Variants in AKAP9 observed in about 807,000 individuals in gnomAD.
AKAP9 encodes the protein A-kinase anchoring protein 9.
A neutral mutation model predicts 488.5 loss-of-function variants in AKAP9; 311 were observed. That is an observed-to-expected ratio of 0.64 (90% CI 0.58 to 0.70). The LOEUF (loss-of-function observed/expected upper bound fraction) is 0.70, where lower values mean the gene tolerates loss of function less well. Ranked by LOEUF, AKAP9 falls within the 30% of genes least tolerant of loss-of-function variation. AKAP9 has a pLI of 0.00. For synonymous variants in AKAP9, 1,462 were observed against 1,483.5 expected (o/e 0.99, Z 0.33); for missense variants, 4,215 against 4,374.5 (o/e 0.96, Z 1.03).
Position 92,002,119 on chromosome 7 carries a change from A to G in AKAP9, c.2202A>G (p.Glu734=), listed in dbSNP as rs1799248537. Residue 734 remains glutamate (E), a synonymous_variant, in exon 8 of 50, where the codon GAA becomes GAG. Coordinates refer to ENST00000356239, the MANE Select transcript of AKAP9 (RefSeq NM_005751.5). ...LQKEIEILRQ[E]EKEKGTLEQE... is the part of the protein sequence containing the mutation. ...AAGAAATTGAAATACTCAGACAAGA[A>G]GAAAAAGAAAAGGGTACACTTGAAC... The G allele has an allele frequency of 6.3e-7, 1 of 1,593,136 alleles. No individual in the cohort carries two copies. The highest frequency in any genetic ancestry group is 8.5e-7 in the Non-Finnish European group (1 of 1,174,420).
intron 4 of AKAP9, among the ~76,000 whole-genome samples, chr7:91,992,569 C>A (rs1187939639): frequency 3.6e-5 from 5 of 140,530 alleles, no homozygotes; most frequent in African/African-American, 5.3e-5. Context: ...GAGGCTGAGA[C>A]AAGAGAATTG....
intron 46 of AKAP9, among the ~76,000 whole-genome samples, chr7:92,105,097 A>G (rs1428353229): frequency 6.6e-6 from 1 of 152,178 alleles, no homozygotes; most frequent in Non-Finnish European, 1.5e-5. Context: ...GATTCAAAGT[A>G]AATCAAAACT....
At position 92,038,520 on chromosome 7, in the gene AKAP9, G is replaced by T. The variant is rs768773867; in HGVS notation, c.4440G>T (p.Val1480=). The change falls in exon 17 of 50, where the codon GTG becomes GTT. Residue 1480 remains valine (V), a synonymous_variant. Coordinates refer to ENST00000356239, the MANE Select transcript of AKAP9 (RefSeq NM_005751.5). ...NTASSKQAHA[V]CQQEQHYFNE... The stretch of plus-strand genomic sequence containing the variant: ...CATCATCAAAGCAAGCACATGCTGT[G>T]TGTCAGCAAGAACAACATTATTTTA... 46 of 1,613,678 alleles carry T rather than the reference G, an allele frequency of 2.9e-5. No individual in the cohort carries two copies. In the Admixed American group the frequency reaches 7.3e-4, roughly 26 times the overall value.
chr7:92,039,542 T>G (rs1805725539), intron 17 of AKAP9, among the ~76,000 whole-genome samples: 1 of 152,254 alleles, frequency 6.6e-6, no homozygotes, highest in Non-Finnish European at 1.5e-5. Flanking sequence ...AGAAGATCCA[T>G]TCTGTGTCTG....
At chr7:91,992,119 T>G in intron 3 of AKAP9, 39 bp from the exon 4 acceptor site, 1 of 1,469,368 alleles carries the variant, frequency 6.8e-7, no homozygotes, top group Non-Finnish European at 9.5e-7. Flanking sequence ...TAAAATTATG[T>G]CTAAGATCAT....
At chr7:92,009,301 A>G (rs1800368999) in intron 8 of AKAP9, among the ~76,000 whole-genome samples, 1 of 152,202 alleles carries the variant, frequency 6.6e-6, no homozygotes, top group Admixed American at 6.5e-5. Flanking sequence ...TATAGATACC[A>G]AAGAGATTCA....
chr7:92,081,402 T>C (rs570023356), intron 31 of AKAP9, among the ~76,000 whole-genome samples: 1 of 150,718 alleles, frequency 6.6e-6, no homozygotes, highest in African/African-American at 2.4e-5. Flanking sequence ...CTCCTGGGTT[T>C]CCAGCAATTC....
intron 8 of AKAP9, among the ~76,000 whole-genome samples, chr7:92,009,520 C>G (rs1800399357): frequency 6.6e-6 from 1 of 152,028 alleles, no homozygotes; most frequent in Non-Finnish European, 1.5e-5. Context: ...TAGACTGAGA[C>G]CATTTCACAA....
chr7:92,053,614 T>A (rs1163706478), intron 22 of AKAP9, among the ~76,000 whole-genome samples: 2 of 152,172 alleles, frequency 1.3e-5, no homozygotes, highest in Non-Finnish European at 2.9e-5. Flanking sequence ...AGTCTGACCA[T>A]GGCATTTTCC....
In AKAP9 at chr7:92,027,476, G is replaced by A. The variant is rs577430130; in HGVS notation, c.4149-2419G>A. Among the ~76,000 whole-genome samples the A allele has an allele frequency of 1.8e-4, 25 of 136,442 alleles. No individual in the cohort carries two copies. The East Asian group carries it at 3.6e-3, about 20-fold the overall frequency. 89.5% of individuals were successfully genotyped at this position (136,442 alleles called of 152,430 possible). ...GAGAGCCTCTGCCCGGCCGCCCATC[G>A]TCTGGGAGGTGAGGAGCCCCTCTGC... On this transcript the variant is annotated intron_variant, in intron 14 of 49. Coordinates refer to ENST00000356239, the MANE Select transcript of AKAP9 (RefSeq NM_005751.5).
intron 14 of AKAP9, among the ~76,000 whole-genome samples, chr7:92,029,073 G>A (rs1411440494): frequency 2.0e-5 from 3 of 151,962 alleles, no homozygotes; most frequent in South Asian, 4.2e-4. Context: ...CATGAAAATG[G>A]GTATGGAAAA....
intron 8 of AKAP9, among the ~76,000 whole-genome samples, chr7:92,012,156 T>C (rs1354555289): frequency 6.6e-6 from 1 of 152,208 alleles, no homozygotes; most frequent in Non-Finnish European, 1.5e-5. Flanking sequence ...GTCTGTACGT[T>C]TAAAATCTTT....
chr7:92,044,355 T>C (rs1247524583), intron 20 of AKAP9, among the ~76,000 whole-genome samples: 5 of 152,180 alleles, frequency 3.3e-5, no homozygotes, highest in Non-Finnish European at 5.9e-5. Flanking sequence ...TTTCTGTCCC[T>C]GGAGCAGATG....
Position 92,083,580 on chromosome 7 carries a change from CTA to C in AKAP9, c.8573_8574del (p.Tyr2858CysfsTer23), listed in dbSNP as rs1191301311. The part of the protein sequence containing the change: ...SETETLKREH[Y>X]VAVQLLKEEC... ...AAACTGAAACCTTAAAGAGGGAACA[CTA>C]TGTTGCCGTTCAGTTACTGAAAGAG... On this transcript the variant is annotated frameshift_variant, in exon 33 of 50. Coordinates refer to ENST00000356239, the MANE Select transcript of AKAP9 (RefSeq NM_005751.5). LOFTEE classifies it high-confidence loss of function. 6.2e-7 allele frequency: 1 copy of C among 1,603,052 alleles called. No homozygotes were observed.
intron 21 of AKAP9, among the ~76,000 whole-genome samples, chr7:92,047,586 G>T (rs1024793021): frequency 5.3e-5 from 8 of 152,100 alleles, no homozygotes; most frequent in Admixed American, 5.2e-4. Flanking sequence ...ATTTCTCTAT[G>T]CTCTCAGCTT....
At chr7:92,010,297 T>G (rs1800516064) in intron 8 of AKAP9, among the ~76,000 whole-genome samples, 1 of 152,210 alleles carries the variant, frequency 6.6e-6, no homozygotes, top group Non-Finnish European at 1.5e-5. Context: ...CTAAAGAGCT[T>G]GTTTACTCAT....
chr7:91,971,333 AC>A (rs1300920215), intron 1 of AKAP9, among the ~76,000 whole-genome samples: 1 of 152,068 alleles, frequency 6.6e-6, no homozygotes, highest in African/African-American at 2.4e-5. Flanking sequence ...TTTATAAAAA[AC>A]TTTTAATCTT....
intron 29 of AKAP9, 81 bp downstream of exon 29, chr7:92,077,088 A>ATTATTTTTTTTTTTTT (rs1563097464): frequency 3.6e-6 from 1 of 279,894 alleles, no homozygotes; most frequent in African/African-American, 7.0e-5. Context: ...TATTATTATT[A>ATTATTTTTTTTTTTTT]TTTCTTTCTT....
At chr7:91,949,244 C>T (rs1462199443) in intron 1 of AKAP9, among the ~76,000 whole-genome samples, 5 of 152,052 alleles carry the variant, frequency 3.3e-5, no homozygotes, top group African/African-American at 9.7e-5. Context: ...AAATACGTAT[C>T]CCCAGTGGGA....
Sources: allele counts gnomAD v4.1 joint callset (sites outside exome capture counted in the v4.1 genomes callset), GRCh38; gene constraint gnomAD v4.1.1; transcripts MANE v1.5; gene names NCBI Gene and HGNC (gene_info 2026-07-23, HGNC 2026-07-21).